Variants in TRIM24 observed in about 807,000 individuals in gnomAD.
The protein encoded by TRIM24 is tripartite motif containing 24.
A neutral mutation model predicts 123.9 loss-of-function variants in TRIM24; 29 were observed. That is an observed-to-expected ratio of 0.23 (90% CI 0.17 to 0.32). The LOEUF is 0.32. Ranked by LOEUF, TRIM24 falls within the 10% of genes least tolerant of loss-of-function variation. The probability of loss-of-function intolerance (pLI) is 1.00; values close to 1 mark genes in which losing one functional copy is unlikely to be tolerated. For synonymous variants in TRIM24, 456 were observed against 461.1 expected, an observed-to-expected ratio of 0.99 and a Z score of 0.14; for missense variants, 932 against 1,295.3, an observed-to-expected ratio of 0.72 and a Z score of 4.31.
Position 138,581,786 on chromosome 7 carries a change from C to A in TRIM24, c.2793+15C>A. On this transcript the variant is annotated intron_variant, in intron 17 of 18. Coordinates refer to ENST00000343526, the MANE Select transcript of TRIM24 (RefSeq NM_015905.3). ...TTCCTCTAACTGTAAGTATTAATGT[C>A]ATTTTCTGCATGTTTACACAGTGGA... 1 of 1,594,764 alleles carries A rather than the reference C, an allele frequency of 6.3e-7. No homozygotes were observed. The highest frequency in any genetic ancestry group is 8.6e-7 in the Non-Finnish European group (1 of 1,164,532).
At chr7:138,514,953 A>C in intron 2 of TRIM24, 1 of 326,718 alleles carries the variant, frequency 3.1e-6, no homozygotes, top group South Asian at 7.6e-5. Flanking sequence ...CACACCTAGC[A>C]TAATGTTTGG....
At chr7:138,518,739 G>T (rs759988342) in intron 3 of TRIM24, among the ~76,000 whole-genome samples, 1 of 152,060 alleles carries the variant, frequency 6.6e-6, no homozygotes, top group South Asian at 2.1e-4. Context: ...TCAAGCAAGC[G>T]ATCCTCTCAA....
intron 7 of TRIM24, among the ~76,000 whole-genome samples, chr7:138,544,118 C>T (rs888048526): frequency 1.3e-5 from 2 of 152,134 alleles, no homozygotes; most frequent in African/African-American, 2.4e-5. Flanking sequence ...TTACTCTGTA[C>T]ATTAAATCTC....
rs1336013240 is a variant in TRIM24, at chr7:138,587,885, A to G, written c.*2934A>G. The G allele has an allele frequency of 6.6e-6, 1 of 152,330 alleles. No homozygotes were observed. Among genetic ancestry groups the G allele is most frequent in the East Asian group, 1.9e-4 (1 of 5,188 alleles). The allele number at this position is 152,330 out of a possible 1,614,324, so 9.4% of individuals were successfully genotyped here. ...TGGATGTAGACCATATTCAACGCAGAATACATTTTAGATCGGTATCTGGCA... is the reference window on the plus strand; with the variant it reads ...TGGATGTAGACCATATTCAACGCAGGATACATTTTAGATCGGTATCTGGCA... On this transcript the variant is annotated 3_prime_UTR_variant, in exon 19 of 19. Coordinates refer to ENST00000343526, the MANE Select transcript of TRIM24 (RefSeq NM_015905.3).
chr7:138,569,645 T>C (rs1286713957), intron 10 of TRIM24, among the ~76,000 whole-genome samples: 1 of 151,594 alleles, frequency 6.6e-6, no homozygotes, highest in Non-Finnish European at 1.5e-5. Flanking sequence ...GAGGGAGGAG[T>C]AGGTGGTAAA....
In TRIM24 at chr7:138,570,818, T is replaced by A. The variant is rs1452509867; in HGVS notation, c.1705-12T>A. 2.5e-6 allele frequency: 4 copies of A among 1,613,408 alleles called. No homozygotes were observed. In the South Asian group the frequency reaches 4.4e-5, roughly 18 times the overall value. ...GTTGATAGCCTTTGTTCTTCTCTTCTTGTTACTGTAGTGGCAGATCAGCAG... is the reference window on the plus strand; with the variant it reads ...GTTGATAGCCTTTGTTCTTCTCTTCATGTTACTGTAGTGGCAGATCAGCAG... On this transcript the variant is annotated splice_polypyrimidine_tract_variant and intron_variant, in intron 10 of 18. Transcript: ENST00000343526.
intron 1 of TRIM24, among the ~76,000 whole-genome samples, chr7:138,462,995 G>T (rs554556029): frequency 2.0e-5 from 3 of 146,722 alleles, no homozygotes; most frequent in African/African-American, 7.5e-5. Flanking sequence ...TCAGCCTCCC[G>T]AGTAGCTGGG....
chr7:138,496,204 G>C (rs939973039), intron 1 of TRIM24, among the ~76,000 whole-genome samples: 1 of 152,170 alleles, frequency 6.6e-6, no homozygotes. Flanking sequence ...AATCTCAACT[G>C]TGTTGAGTCT....
At chr7:138,509,701 C>CAAA (rs538243079) in intron 2 of TRIM24, among the ~76,000 whole-genome samples, 32 of 67,742 alleles carry the variant, frequency 4.7e-4, no homozygotes, top group East Asian at 1.8e-3. Context: ...GACTCTGTCT[C>CAAA]AAAAAAAAAA....
At chr7:138,565,268 T>C (rs1362114127) in intron 9 of TRIM24, among the ~76,000 whole-genome samples, 1 of 152,176 alleles carries the variant, frequency 6.6e-6, no homozygotes, top group Non-Finnish European at 1.5e-5. Flanking sequence ...GCTTGTGAGC[T>C]TCCCTGACTT....
At chr7:138,491,261 A>G in intron 1 of TRIM24, 1 of 234,264 alleles carries the variant, frequency 4.3e-6, no homozygotes, top group East Asian at 1.1e-4. Flanking sequence ...TGGACATAGC[A>G]GGAGCTTTCA....
intron 3 of TRIM24, among the ~76,000 whole-genome samples, chr7:138,516,690 A>T (rs182207744): frequency 6.6e-6 from 1 of 152,304 alleles, no homozygotes; most frequent in East Asian, 1.9e-4. Context: ...CTGATTCTAG[A>T]TACTTCACGC....
rs112526732 is a variant in TRIM24, at chr7:138,517,064, C to T, written c.631+1705C>T. Among the ~76,000 whole-genome samples, 1,312 of 151,628 alleles carry T rather than the reference C, an allele frequency of 8.7e-3. 19 individuals carry two copies. The highest frequency in any genetic ancestry group is 0.048 in the South Asian group (228 of 4,800). ...AAGCTGCAGTGACCTGTGATAATTG[C>T]CATTACACTCCGTCTGCGCGACAGT... On this transcript the variant is annotated intron_variant, in intron 3 of 18. Transcript: ENST00000343526.
rs770352195 is a variant in TRIM24, at chr7:138,577,622, C to G, written c.2256+34C>G. 5.3e-5 allele frequency: 80 copies of G among 1,513,638 alleles called. No homozygotes were observed. The Middle Eastern group carries it at 1.6e-3, about 30-fold the overall frequency. The allele number at this position is 1,513,638 out of a possible 1,614,324, so 93.8% of individuals were successfully genotyped here. ...GAATGCTTGCAATGCTATTCCTATG[C>G]ATGGTGGGTAGGGTGAGAGAATCTT... On this transcript the variant is annotated intron_variant, in intron 14 of 18. Coordinates refer to ENST00000343526, the MANE Select transcript of TRIM24 (RefSeq NM_015905.3).
At chr7:138,527,193 T>C (rs1261701976) in intron 5 of TRIM24, among the ~76,000 whole-genome samples, 1 of 152,234 alleles carries the variant, frequency 6.6e-6, no homozygotes, top group African/African-American at 2.4e-5. Flanking sequence ...TACTTCACTT[T>C]CATGATCATG....
At position 138,575,382 on chromosome 7, in the gene TRIM24, G is replaced by A. The variant is rs148071032; in HGVS notation, c.2015-991G>A. ...ATCATGGTTCACTGCAGCCTCATACGCTTGGGCTCTAGTGATCCTCCTGCT... is the reference window on the plus strand; with the variant it reads ...ATCATGGTTCACTGCAGCCTCATACACTTGGGCTCTAGTGATCCTCCTGCT... On this transcript the variant is annotated intron_variant, in intron 12 of 18. Transcript: ENST00000343526. Among the ~76,000 whole-genome samples the A allele has an allele frequency of 4.7e-3, 718 of 151,958 alleles. 6 individuals are homozygous for A. Among genetic ancestry groups the A allele is most frequent in the African/African-American group, 0.015 (633 of 41,436 alleles).
chr7:138,506,930 G>A (rs1796163468), intron 2 of TRIM24, among the ~76,000 whole-genome samples: 1 of 152,164 alleles, frequency 6.6e-6, no homozygotes, highest in East Asian at 1.9e-4. Flanking sequence ...ATAAGGAAAG[G>A]AAGTTACCAC....
intron 1 of TRIM24, 81 bp from the exon 2 acceptor site, chr7:138,504,206 GAAC>G (rs1422585879): frequency 1.2e-6 from 1 of 823,904 alleles, no homozygotes; most frequent in Non-Finnish European, 1.8e-6. Flanking sequence ...CATTGAAAAA[GAAC>G]AAAGTCACAG....
At chr7:138,555,525 C>T (rs1480999652) in intron 9 of TRIM24, among the ~76,000 whole-genome samples, 1 of 147,552 alleles carries the variant, frequency 6.8e-6, no homozygotes, top group African/African-American at 2.5e-5. Context: ...CTCTGTCACT[C>T]AGGCTGGAGT....
Sources: gnomAD v4.1 joint callset for allele counts (sites outside exome capture counted in the v4.1 genomes callset) on GRCh38, gnomAD v4.1.1 for gene constraint, MANE v1.5 for transcripts, NCBI Gene and HGNC (gene_info 2026-07-23, HGNC 2026-07-21) for gene names.